The following PEAK1 variants were observed in gnomAD, a reference collection of about 807,000 sequenced individuals.
PEAK1 encodes pseudopodium enriched atypical kinase 1, also known as inactive tyrosine-protein kinase PEAK1.
Under a neutral mutation model 124.7 loss-of-function variants are expected in PEAK1, and 54 were observed. The ratio of observed to expected loss-of-function variants is 0.43; its 90% CI spans 0.35 to 0.54. The LOEUF (loss-of-function observed/expected upper bound fraction) is 0.54. Ranked by LOEUF, PEAK1 falls within the 20% of genes least tolerant of loss-of-function variation. PEAK1 has a pLI of 0.01. For missense variants in PEAK1, 2,046 were observed against 2,134.5 expected (o/e 0.96, Z 0.82); for synonymous variants, 719 against 760.0 (o/e 0.95, Z 0.89).
chr15:77,395,160 G>A (rs575167628), intron 1 of PEAK1, among the ~76,000 whole-genome samples: 2 of 152,282 alleles, frequency 1.3e-5, no homozygotes, highest in African/African-American at 4.8e-5. Context: ...GTTGAAAAAT[G>A]TAACTGACAT....
chr15:77,232,987 TC>T (rs1359751149), intron 6 of PEAK1, among the ~76,000 whole-genome samples: 1 of 152,198 alleles, frequency 6.6e-6, no homozygotes, highest in Admixed American at 6.5e-5. Context: ...CCTCAAGTGA[TC>T]CACCTGCCTC....
rs188176182 is a variant in PEAK1 at position 77,384,498 on chromosome 15, G to A, written c.-665-19273C>T. 1.1e-4 allele frequency among the ~76,000 whole-genome samples: 16 copies of A among 152,222 alleles called. No homozygotes were observed. The East Asian group carries it at 2.9e-3, about 27-fold the overall frequency. ...AACTGAAAATCTGCACATGTAGCTG[G>A]ACAAGTAATAGTTTCCAAATTAATA... On this transcript the variant is annotated intron_variant, in intron 1 of 9. Transcript: ENST00000682557.
At chr15:77,324,189 T>C (rs2065422583) in intron 2 of PEAK1, among the ~76,000 whole-genome samples, 1 of 152,156 alleles carries the variant, frequency 6.6e-6, no homozygotes, top group Non-Finnish European at 1.5e-5. Context: ...ATTAAATTGA[T>C]CCACATTGCT....
chr15:77,342,029 C>A (rs1029458240), intron 2 of PEAK1, among the ~76,000 whole-genome samples: 1 of 151,720 alleles, frequency 6.6e-6, no homozygotes, highest in African/African-American at 2.4e-5. Context: ...CATTAAGTTA[C>A]ATTGATTTAA....
At chr15:77,419,205 G>A (rs1301401450) in intron 1 of PEAK1, 1 of 985,338 alleles carries the variant, frequency 1.0e-6, no homozygotes, top group South Asian at 4.7e-5. Flanking sequence ...GAGGCAGGCG[G>A]GGGAGGAGGG....
chr15:77,160,014 G>A (rs2055489904), intron 7 of PEAK1, among the ~76,000 whole-genome samples: 1 of 152,222 alleles, frequency 6.6e-6, no homozygotes, highest in African/African-American at 2.4e-5. Context: ...CAGTGGTGAG[G>A]TTGGAAGGAA....
At chr15:77,289,863 T>C (rs1033673231) in intron 2 of PEAK1, among the ~76,000 whole-genome samples, 9 of 152,120 alleles carry the variant, frequency 5.9e-5, no homozygotes, top group African/African-American at 2.2e-4. Context: ...ACACCTAAGA[T>C]AATACACTAG....
Position 77,179,545 on chromosome 15 carries a change from T to C in PEAK1, c.2382A>G (p.Glu794=). The change falls in exon 7 of 10, where the codon GAA becomes GAG. Residue 794 remains glutamate, a synonymous_variant. Coordinates refer to ENST00000682557, the MANE Select transcript of PEAK1 (RefSeq NM_001385026.1). The part of the protein sequence containing the change: ...PQSGPKACSV[E]ELYAIPPDAD... ...CATCTGGAGGAATGGCATAAAGCTC[T>C]TCCACACTGCAAGCTTTAGGGCCAG... The C allele has an allele frequency of 6.2e-7, 1 of 1,614,140 alleles. No homozygotes were observed. Among genetic ancestry groups the C allele is most frequent in the South Asian group, 1.1e-5 (1 of 91,084 alleles).
upstream of PEAK1, chr15:77,420,722 C>G (rs2073297561): frequency 1.5e-5 from 6 of 395,998 alleles, no homozygotes; most frequent in Non-Finnish European, 2.7e-5. Flanking sequence ...AAAATAATCC[C>G]TTCATTTTTG....
intron 6 of PEAK1, among the ~76,000 whole-genome samples, chr15:77,184,905 G>A (rs1365073536): frequency 2.2e-5 from 3 of 137,306 alleles, no homozygotes; most frequent in African/African-American, 8.1e-5. Context: ...ATAGAACTAC[G>A]CACTTAAAAA....
At chr15:77,125,155 C>T (rs886534482) in intron 9 of PEAK1, among the ~76,000 whole-genome samples, 2 of 152,022 alleles carry the variant, frequency 1.3e-5, no homozygotes, top group Non-Finnish European at 2.9e-5. Flanking sequence ...TTATTGAATG[C>T]CAGCTATGGA....
At chr15:77,260,969 T>C (rs2061408751) in intron 5 of PEAK1, among the ~76,000 whole-genome samples, 1 of 152,198 alleles carries the variant, frequency 6.6e-6, no homozygotes. Context: ...TTCACCAATA[T>C]CTGCTGTTGT....
chr15:77,381,048 C>G (rs2069435645), intron 1 of PEAK1, among the ~76,000 whole-genome samples: 1 of 152,200 alleles, frequency 6.6e-6, no homozygotes, highest in African/African-American at 2.4e-5. Context: ...CAGCACTTCC[C>G]AAACCCTGCT....
chr15:77,364,467 C>T (rs751300192), intron 2 of PEAK1, among the ~76,000 whole-genome samples: 1 of 152,084 alleles, frequency 6.6e-6, no homozygotes, highest in Non-Finnish European at 1.5e-5. Context: ...GACAGGCTGA[C>T]ATTTTTTTAA....
chr15:77,369,770 G>C (rs895308395), intron 1 of PEAK1, among the ~76,000 whole-genome samples: 1 of 152,094 alleles, frequency 6.6e-6, no homozygotes, highest in Non-Finnish European at 1.5e-5. Flanking sequence ...GAACTGGAAG[G>C]AGGCATGAAG....
chr15:77,269,480 T>C (rs2061917479), intron 5 of PEAK1, among the ~76,000 whole-genome samples: 1 of 152,120 alleles, frequency 6.6e-6, no homozygotes, highest in Non-Finnish European at 1.5e-5. Flanking sequence ...CAATCCTACA[T>C]ACATATGCAC....
chr15:77,180,541 G>C lies in PEAK1; in HGVS notation c.1386C>G (p.Tyr462Ter). Reference sequence around the variant, plus strand: ...ATGGCTGTTCCAGGTTCACAACTCGGTAAGGTTTTGCTTGCTCTTCTGTGG... The same window carrying C: ...ATGGCTGTTCCAGGTTCACAACTCGCTAAGGTTTTGCTTGCTCTTCTGTGG... ...LVPTEEQAKP[Y>*]RVVNLEQPLC... Residue 462 changes from tyrosine to a stop codon, truncating the protein, a stop_gained, in exon 7 of 10, where the codon TAC becomes TAG. Coordinates refer to ENST00000682557, the MANE Select transcript of PEAK1 (RefSeq NM_001385026.1). LOFTEE classifies it high-confidence loss of function. The C allele has an allele frequency of 6.2e-7, 1 of 1,614,124 alleles. No homozygotes were observed. The highest frequency in any genetic ancestry group is 2.2e-5 in the East Asian group (1 of 44,886).
At chr15:77,232,805 G>A (rs1455588572) in intron 6 of PEAK1, among the ~76,000 whole-genome samples, 1 of 152,134 alleles carries the variant, frequency 6.6e-6, no homozygotes, top group Admixed American at 6.6e-5. Flanking sequence ...GAGTGCAATG[G>A]TGTGATCTCT....
At chr15:77,101,762 T>C (rs139819999) in exon 7 of PEAK1, 1 of 152,326 alleles carries the variant, frequency 6.6e-6, no homozygotes, top group East Asian at 1.9e-4. Context: ...GGTGACTCTG[T>C]CACTTTGACC....
Sources: allele counts gnomAD v4.1 joint callset (sites outside exome capture counted in the v4.1 genomes callset), GRCh38; gene constraint gnomAD v4.1.1; transcripts MANE v1.5; gene names NCBI Gene and HGNC (gene_info 2026-07-23, HGNC 2026-07-21).